Variants in BCL7A observed in about 807,000 individuals in gnomAD.
The protein encoded by BCL7A is BAF chromatin remodeling complex subunit BCL7A, also known as B-cell CLL/lymphoma 7 protein family member A.
BCL7A carries 11 observed loss-of-function variants against 28.4 expected under a neutral mutation model. The observed-to-expected ratio is 0.39, with a 90% CI of 0.24 to 0.64. BCL7A has a LOEUF of 0.64. BCL7A is among the 30% of genes least tolerant of loss of function. BCL7A has a pLI of 0.50. For synonymous variants in BCL7A, 123 were observed against 103.3 expected, an observed-to-expected ratio of 1.19 and a Z score of -1.15; for missense variants, 222 against 274.8, an observed-to-expected ratio of 0.81 and a Z score of 1.36.
At position 122,061,616 on chromosome 12, in the gene BCL7A, C is replaced by G. The variant is rs1415378056; in HGVS notation, c.*2453C>G. The G allele has an allele frequency of 6.7e-6, 1 of 149,534 alleles. No homozygotes were observed. Among genetic ancestry groups the G allele is most frequent in the African/African-American group, 2.5e-5 (1 of 39,624 alleles). The allele number at this position is 149,534 out of a possible 1,614,324, so 9.3% of individuals were successfully genotyped here. On this transcript the variant is annotated 3_prime_UTR_variant, in exon 6 of 6. Coordinates refer to ENST00000261822, the MANE Select transcript of BCL7A (RefSeq NM_001024808.3). ...CACAGAATCTAAGACCTTTCAGCTT[C>G]GAGCCAGGGGGCGGGGGATCCCGAG...
chr12:122,042,257 G>C (rs1883977791), intron 3 of BCL7A, among the ~76,000 whole-genome samples: 1 of 152,126 alleles, frequency 6.6e-6, no homozygotes, highest in Non-Finnish European at 1.5e-5. Flanking sequence ...CGATCCCCCT[G>C]TACACTCCAC....
Position 122,038,431 on chromosome 12 carries a change from C to CAAAAAAA in BCL7A, c.271+3026_271+3032dup, listed in dbSNP as rs56376395. On this transcript the variant is annotated intron_variant, in intron 3 of 5. Coordinates refer to ENST00000261822, the MANE Select transcript of BCL7A (RefSeq NM_001024808.3). ...TGGGCAAAGGAGCGAGACTCTGCCT[C>CAAAAAAA]AAAAAAAAAAAAAAAAAAAAAAAAA... Among the ~76,000 whole-genome samples, 20 of 33,550 alleles carry CAAAAAAA rather than the reference C, an allele frequency of 6.0e-4. 2 individuals carry two copies. Among genetic ancestry groups the CAAAAAAA allele is most frequent in the Admixed American group, 1.4e-3 (3 of 2,084 alleles). The allele number at this position is 33,550 out of a possible 152,430, so 22.0% of individuals were successfully genotyped here. A position where few individuals can be genotyped will look rare whatever the true frequency, so the allele number is the denominator to read the frequency against.
intron 3 of BCL7A, among the ~76,000 whole-genome samples, chr12:122,042,134 G>A (rs112517519): frequency 0.026 from 3,922 of 151,558 alleles, 85 homozygotes; most frequent in Middle Eastern, 0.065. Context: ...GGTGCAGCCC[G>A]GGCCCCAGCT....
At chr12:122,024,455 GTTTTTT>G (rs1883567209) in intron 1 of BCL7A, among the ~76,000 whole-genome samples, 1 of 81,074 alleles carries the variant, frequency 1.2e-5, no homozygotes, top group South Asian at 4.9e-4. Flanking sequence ...TGGCTTTGAG[GTTTTTT>G]GTTTTTTTTT....
At chr12:122,044,201 C>T (rs189591648) in intron 4 of BCL7A, 148 bp downstream of exon 4, 70 of 923,520 alleles carry the variant, frequency 7.6e-5, no homozygotes, top group Middle Eastern at 3.4e-4. Flanking sequence ...TACATGGTCT[C>T]GTGGGGGAAT....
chr12:122,034,564 C>T (rs1191046557), intron 2 of BCL7A, among the ~76,000 whole-genome samples: 3 of 151,314 alleles, frequency 2.0e-5, no homozygotes, highest in African/African-American at 7.3e-5. Context: ...TGGTGAAACC[C>T]GTCTCTACTA....
chr12:122,035,365 A>AGT lies in BCL7A; in HGVS notation c.213_214dup (p.Gly72ValfsTer5). The AGT allele has an allele frequency of 6.2e-7, 1 of 1,614,188 alleles. No individual in the cohort carries two copies. The highest frequency in any genetic ancestry group is 2.2e-5 in the East Asian group (1 of 44,878). The stretch of plus-strand genomic sequence containing the variant: ...AATAAGAAAAAAGGCAAGGACGAGA[A>AGT]GTGTGGCTCAGAGGTGACCACTCCG... On this transcript the variant is annotated frameshift_variant, in exon 3 of 6. Transcript: ENST00000261822. LOFTEE classifies it high-confidence loss of function.
chr12:122,053,495 AC>A (rs912298505), intron 4 of BCL7A, among the ~76,000 whole-genome samples: 2 of 151,968 alleles, frequency 1.3e-5, no homozygotes, highest in Non-Finnish European at 2.9e-5. Flanking sequence ...TGCCTCAGAA[AC>A]CCCAGCAGGG....
At chr12:122,046,246 A>G (rs2135854150) in intron 4 of BCL7A, among the ~76,000 whole-genome samples, 1 of 152,166 alleles carries the variant, frequency 6.6e-6, no homozygotes. Flanking sequence ...GGGCACCTGG[A>G]GGGACAGCAG....
At chr12:122,037,980 G>A (rs1024898252) in intron 3 of BCL7A, among the ~76,000 whole-genome samples, 4 of 151,874 alleles carry the variant, frequency 2.6e-5, no homozygotes, top group Non-Finnish European at 5.9e-5. Context: ...AATTAGCTGG[G>A]TGTAGTGGCG....
chr12:122,035,283 C>T (rs1883827189), intron 2 of BCL7A, 48 bp from the exon 3 acceptor site: 2 of 1,534,078 alleles, frequency 1.3e-6, no homozygotes, highest in African/African-American at 2.7e-5. Context: ...CACGTGTGCG[C>T]ACACACATGA....
chr12:122,059,999 C>T lies in BCL7A; in HGVS notation c.*836C>T, dbSNP rs551456625. ...GGCACTTCCTCTCTATTGCCCCCAC[C>T]ACCACCACCCCCATCACTGCTTTCT... On this transcript the variant is annotated 3_prime_UTR_variant, in exon 6 of 6. Transcript: ENST00000261822. This position sits in a 1 kb window ranked among gnomAD's most constrained non-coding sequence, Gnocchi z 4.0. 1 of 233,554 alleles carries T rather than the reference C, an allele frequency of 4.3e-6. No individual in the cohort carries two copies. Among genetic ancestry groups the T allele is most frequent in the East Asian group, 6.0e-5 (1 of 16,532 alleles). The allele number at this position is 233,554 out of a possible 1,614,324, so 14.5% of individuals were successfully genotyped here. A position where few individuals can be genotyped will look rare whatever the true frequency, so the allele number is the denominator to read the frequency against.
intron 1 of BCL7A, among the ~76,000 whole-genome samples, chr12:122,023,795 C>T (rs1883538663): frequency 6.6e-6 from 1 of 152,322 alleles, no homozygotes; most frequent in Admixed American, 6.5e-5. Flanking sequence ...GCCCCCTCTA[C>T]TGTGGGATTC....
intron 4 of BCL7A, among the ~76,000 whole-genome samples, chr12:122,054,383 G>T (rs1358974657): frequency 6.6e-6 from 1 of 152,196 alleles, no homozygotes; most frequent in Admixed American, 6.5e-5. Flanking sequence ...CACCGTGCCC[G>T]GCCAAATACC....
intron 1 of BCL7A, among the ~76,000 whole-genome samples, chr12:122,027,106 G>C (rs1883646352): frequency 6.6e-6 from 1 of 152,182 alleles, no homozygotes; most frequent in South Asian, 2.1e-4. Context: ...GCAGCCTGGT[G>C]GTTGTGGGGA....
intron 2 of BCL7A, among the ~76,000 whole-genome samples, chr12:122,032,845 T>C (rs1020232655): frequency 3.3e-5 from 5 of 152,044 alleles, no homozygotes; most frequent in African/African-American, 1.2e-4. Flanking sequence ...CATGTGCCAC[T>C]CCCCCACCCC....
intron 4 of BCL7A, 102 bp from the exon 5 acceptor site, chr12:122,054,703 G>A (rs1326329870): frequency 1.7e-6 from 2 of 1,193,258 alleles, no homozygotes; most frequent in African/African-American, 3.0e-5. Flanking sequence ...AAGACCACTG[G>A]CCCCAAAACT....
intron 1 of BCL7A, 103 bp downstream of exon 1, chr12:122,022,286 C>T: frequency 6.3e-6 from 4 of 637,560 alleles, no homozygotes; most frequent in Non-Finnish European, 7.7e-6. Context: ...CTGCCCCGGC[C>T]CAGCCCCGCC....
chr12:122,059,272 C>G lies in BCL7A; in HGVS notation c.*109C>G. 3 of 1,019,744 alleles carry G rather than the reference C, an allele frequency of 2.9e-6. No individual in the cohort carries two copies. Among genetic ancestry groups the G allele is most frequent in the South Asian group, 3.0e-5 (2 of 67,278 alleles). 63.2% of individuals were successfully genotyped at this position (1,019,744 alleles called of 1,614,324 possible). ...TCTTGGGTGCGAACAGAACTACTAA[C>G]GTTTCAAGTTTACCAAGTGCAAATC... On this transcript the variant is annotated 3_prime_UTR_variant, in exon 6 of 6. Transcript: ENST00000261822. The surrounding 1 kb of genome is among the most constrained non-coding windows in gnomAD (Gnocchi z 4.0).
Sources: allele counts gnomAD v4.1 joint callset (sites outside exome capture counted in the v4.1 genomes callset), GRCh38; gene constraint gnomAD v4.1.1; non-coding constraint Gnocchi (gnomAD v3.1); transcripts MANE v1.5; gene names NCBI Gene and HGNC (gene_info 2026-07-23, HGNC 2026-07-21).